Variants in CSMD1 observed in about 807,000 individuals in gnomAD.
CSMD1 encodes the protein CUB and sushi domain-containing protein 1.
Under a neutral mutation model 417.5 loss-of-function variants are expected in CSMD1, and 213 were observed. That is an observed-to-expected ratio of 0.51 (90% CI 0.46 to 0.57). The LOEUF is 0.57. Among genes scored for constraint, CSMD1 ranks in the 20% least tolerant of loss-of-function variants. The pLI is 0.00. For synonymous variants in CSMD1, 2,862 were observed against 1,736.8 expected, an observed-to-expected ratio of 1.65 and a Z score of -16.11; for missense variants, 6,923 against 4,529.7, an observed-to-expected ratio of 1.53 and a Z score of -15.17.
intron 3 of CSMD1, among the ~76,000 whole-genome samples, chr8:4,139,243 T>G (rs1803628386): frequency 6.6e-6 from 1 of 152,234 alleles, no homozygotes; most frequent in Non-Finnish European, 1.5e-5. Context: ...AAGGCGAATT[T>G]AGCTTCATTA....
At chr8:4,082,375 T>A (rs929210420) in intron 3 of CSMD1, among the ~76,000 whole-genome samples, 2 of 152,188 alleles carry the variant, frequency 1.3e-5, no homozygotes, top group African/African-American at 4.8e-5. Flanking sequence ...CACTGGTGAG[T>A]TCTGCCGAGC....
intron 5 of CSMD1, among the ~76,000 whole-genome samples, chr8:3,786,014 T>A (rs1799438188): frequency 2.0e-5 from 3 of 152,014 alleles, no homozygotes; most frequent in Admixed American, 2.0e-4. Context: ...TGGTGGGCAT[T>A]GGGGTGAAGA....
intron 10 of CSMD1, among the ~76,000 whole-genome samples, chr8:3,542,438 T>A (rs1171804233): frequency 6.6e-6 from 1 of 152,202 alleles, no homozygotes; most frequent in Non-Finnish European, 1.5e-5. Context: ...GGATGTGCGT[T>A]AGGGAATGAA....
intron 3 of CSMD1, among the ~76,000 whole-genome samples, chr8:4,301,141 C>G (rs535844982): frequency 3.0e-4 from 46 of 152,238 alleles, no homozygotes; most frequent in African/African-American, 1.1e-3. Flanking sequence ...GAGGAATGAG[C>G]AGGAGCATTG....
At chr8:4,290,201 G>T (rs774000861) in intron 3 of CSMD1, among the ~76,000 whole-genome samples, 1 of 152,134 alleles carries the variant, frequency 6.6e-6, no homozygotes, top group Non-Finnish European at 1.5e-5. Flanking sequence ...ATCAGTCAAA[G>T]GAAACACACT....
intron 1 of CSMD1, among the ~76,000 whole-genome samples, chr8:4,800,257 C>T (rs1013110482): frequency 6.6e-6 from 1 of 151,838 alleles, no homozygotes; most frequent in Non-Finnish European, 1.5e-5. Context: ...TAGCAAAACC[C>T]AATCGCAACT....
At chr8:4,167,237 G>C (rs1563213455) in intron 3 of CSMD1, among the ~76,000 whole-genome samples, 1 of 152,180 alleles carries the variant, frequency 6.6e-6, no homozygotes, top group Admixed American at 6.5e-5. Context: ...TAGGGAAGGA[G>C]TGTCTTCGAA....
intron 3 of CSMD1, among the ~76,000 whole-genome samples, chr8:4,289,738 C>T (rs1328443069): frequency 6.6e-6 from 1 of 152,146 alleles, no homozygotes; most frequent in Non-Finnish European, 1.5e-5. Flanking sequence ...CTGGGTAATG[C>T]ATTGTGAATA....
At chr8:3,501,864 G>GA (rs1272472304) in intron 10 of CSMD1, among the ~76,000 whole-genome samples, 1 of 152,144 alleles carries the variant, frequency 6.6e-6, no homozygotes, top group East Asian at 1.9e-4. Flanking sequence ...AACTAAAAAT[G>GA]TAATTAATGA....
At chr8:4,436,021 T>A (rs1031995750) in intron 2 of CSMD1, among the ~76,000 whole-genome samples, 12 of 152,210 alleles carry the variant, frequency 7.9e-5, no homozygotes, top group African/African-American at 2.9e-4. Context: ...ACGCAGCAGC[T>A]TGTTAAAATA....
chr8:4,985,824 C>G (rs1218196998), intron 1 of CSMD1, among the ~76,000 whole-genome samples: 1 of 152,090 alleles, frequency 6.6e-6, no homozygotes, highest in East Asian at 1.9e-4. Flanking sequence ...ACAAAATACC[C>G]TCACAGATGG....
rs537789615 is a variant in CSMD1 at position 3,307,561 on chromosome 8, T to G, written c.3950+134A>C. 59 of 1,069,900 alleles carry G rather than the reference T, an allele frequency of 5.5e-5. No individual in the cohort carries two copies. In the Middle Eastern group the frequency reaches 8.9e-4, roughly 16 times the overall value. 66.3% of individuals were successfully genotyped at this position (1,069,900 alleles called of 1,614,324 possible). Reference sequence around the variant, plus strand: ...TAAGCAAGTGAGCCAACAAAACTTTTAGCTACAGCTTTACCTTTTCTTCTT... The same window carrying G: ...TAAGCAAGTGAGCCAACAAAACTTTGAGCTACAGCTTTACCTTTTCTTCTT... On this transcript the variant is annotated intron_variant, in intron 25 of 69. Coordinates refer to ENST00000635120, the MANE Select transcript of CSMD1 (RefSeq NM_033225.6).
chr8:3,421,300 A>G (rs1813473669), intron 12 of CSMD1, among the ~76,000 whole-genome samples: 1 of 152,200 alleles, frequency 6.6e-6, no homozygotes, highest in South Asian at 2.1e-4. Context: ...ACAAGGAAAC[A>G]GTTGGATATA....
chr8:3,667,093 C>A (rs897463035), intron 7 of CSMD1, among the ~76,000 whole-genome samples: 3 of 152,042 alleles, frequency 2.0e-5, no homozygotes, highest in Non-Finnish European at 4.4e-5. Context: ...TTGGTACAAG[C>A]AAGGCAATCT....
chr8:3,259,640 T>C (rs954520487), intron 26 of CSMD1, among the ~76,000 whole-genome samples: 13 of 152,332 alleles, frequency 8.5e-5, no homozygotes, highest in East Asian at 7.7e-4. Context: ...GATTTTAATA[T>C]GTATACAAGT....
chr8:3,713,774 G>C (rs1801662863), intron 6 of CSMD1, among the ~76,000 whole-genome samples: 2 of 152,114 alleles, frequency 1.3e-5, no homozygotes, highest in African/African-American at 2.4e-5. Flanking sequence ...AAATCACAGA[G>C]GAAATTGTTT....
At chr8:4,278,313 G>A (rs909934626) in intron 3 of CSMD1, among the ~76,000 whole-genome samples, 10 of 152,098 alleles carry the variant, frequency 6.6e-5, no homozygotes, top group African/African-American at 1.7e-4. Context: ...CAGCGGTAGT[G>A]CTGGTAATCT....
chr8:3,365,140 G>C (rs1809470037), intron 20 of CSMD1, among the ~76,000 whole-genome samples: 1 of 152,154 alleles, frequency 6.6e-6, no homozygotes, highest in Non-Finnish European at 1.5e-5. Context: ...CAGAGAGAGA[G>C]GGATTTAGGA....
intron 5 of CSMD1, among the ~76,000 whole-genome samples, chr8:3,979,028 C>A (rs541115038): frequency 6.6e-6 from 1 of 152,320 alleles, no homozygotes; most frequent in East Asian, 1.9e-4. Flanking sequence ...AGATGCTGCA[C>A]AACACCTGGA....
Sources: gnomAD v4.1 joint callset for allele counts (sites outside exome capture counted in the v4.1 genomes callset) on GRCh38, gnomAD v4.1.1 for gene constraint, MANE v1.5 for transcripts, NCBI Gene and HGNC (gene_info 2026-07-23, HGNC 2026-07-21) for gene names.